Variants in GSE1 observed in about 807,000 individuals in gnomAD.
GSE1 encodes genetic suppressor element 1.
In GSE1, 32 loss-of-function variants were observed where a neutral mutation model predicts 112.6. The ratio of observed to expected loss-of-function variants is 0.28; its 90% CI spans 0.21 to 0.38. The LOEUF (loss-of-function observed/expected upper bound fraction) is 0.38, where lower values mean the gene tolerates loss of function less well. Among genes scored for constraint, GSE1 ranks in the 10% least tolerant of loss-of-function variants. GSE1 has a pLI of 1.00. For synonymous variants in GSE1, 1,115 were observed against 735.6 expected (o/e 1.52, Z -8.35); for missense variants, 2,348 against 1,699.2 (o/e 1.38, Z -6.71).
chr16:85,501,595 A>G lies in GSE1; in HGVS notation c.2465-132319A>G, dbSNP rs547385279. 5.9e-5 allele frequency among the ~76,000 whole-genome samples: 9 copies of G among 151,464 alleles called. No individual in the cohort carries two copies. The East Asian group carries it at 1.4e-3, about 23-fold the overall frequency. ...TTTTTTGCAGAGACTAGGTTTCGCT[A>G]TGTTGCCCAGGCTGGTCTCGAACCC... is the stretch of plus-strand genomic sequence containing the variant. On this transcript the variant is annotated intron_variant, in intron 2 of 2. Transcript: ENST00000637419.
chr16:85,613,812 G>T (rs184941910), intron 1 of GSE1, among the ~76,000 whole-genome samples: 1,982 of 148,396 alleles, frequency 0.013, 20 homozygotes, highest in Non-Finnish European at 0.018. Flanking sequence ...GGGGGTGGCT[G>T]TGCGCCCCCG....
intron 2 of GSE1, among the ~76,000 whole-genome samples, chr16:85,396,487 G>GCCGCTGTC (rs928337102): frequency 6.6e-6 from 1 of 152,258 alleles, no homozygotes; most frequent in African/African-American, 2.4e-5. Context: ...GGGTGGAGGA[G>GCCGCTGTC]CCGCTGTCCC....
intron 2 of GSE1, among the ~76,000 whole-genome samples, chr16:85,374,756 A>C (rs918549328): frequency 1.3e-5 from 2 of 151,854 alleles, no homozygotes; most frequent in Non-Finnish European, 2.9e-5. Flanking sequence ...TGGAGGAGGG[A>C]GGCGCCCACG....
upstream of GSE1, chr16:85,613,317 T>A: frequency 1.3e-6 from 2 of 1,549,738 alleles, no homozygotes; most frequent in Non-Finnish European, 1.7e-6. Context: ...CCGGGTGAGA[T>A]AAGCAGTTTA....
chr16:85,251,559 TG>T (rs1294107724), intron 1 of GSE1, among the ~76,000 whole-genome samples: 1 of 152,142 alleles, frequency 6.6e-6, no homozygotes, highest in African/African-American at 2.4e-5. Flanking sequence ...CAGACAGGGC[TG>T]GAGAAGGGCA....
intron 1 of GSE1, among the ~76,000 whole-genome samples, chr16:85,181,425 C>T (rs975059328): frequency 2.0e-5 from 3 of 152,256 alleles, no homozygotes; most frequent in African/African-American, 7.2e-5. Flanking sequence ...CAGCCTTTCC[C>T]CTGCCCTGGA....
At chr16:85,509,604 G>A (rs962040324) in intron 2 of GSE1, among the ~76,000 whole-genome samples, 4 of 152,246 alleles carry the variant, frequency 2.6e-5, no homozygotes, top group African/African-American at 7.2e-5. Flanking sequence ...GTGGAGTGAC[G>A]TTGAATGGAA....
intron 1 of GSE1, among the ~76,000 whole-genome samples, chr16:85,597,601 C>T (rs1469266637): frequency 1.3e-5 from 2 of 152,078 alleles, no homozygotes; most frequent in South Asian, 2.1e-4. Context: ...TCCCCAGTAG[C>T]TAGGACTACA....
In GSE1 at chr16:85,510,070, C is replaced by T. The variant is rs968580615; in HGVS notation, c.2465-123844C>T. Among the ~76,000 whole-genome samples the T allele has an allele frequency of 2.6e-5, 4 of 152,178 alleles. No individual in the cohort carries two copies. In the East Asian group the frequency reaches 7.7e-4, roughly 29 times the overall value. Reference sequence around the variant, plus strand: ...AAGCCGCGCTGAGCAGGTGGGGCCCCGGGGGCCAAGCACCCCCATGCCGCC... The same window carrying T: ...AAGCCGCGCTGAGCAGGTGGGGCCCTGGGGGCCAAGCACCCCCATGCCGCC... On this transcript the variant is annotated intron_variant, in intron 2 of 2. Coordinates refer to the GSE1 transcript ENST00000637419.
chr16:85,662,920 G>A (rs2151966851), intron 9 of GSE1, 61 bp from the exon 10 acceptor site: 1 of 1,171,096 alleles, frequency 8.5e-7, no homozygotes, highest in South Asian at 1.2e-5. Flanking sequence ...GGCCCTGCGG[G>A]CATGTCCACT....
At chr16:85,664,215 C>T (rs1006809138) in intron 11 of GSE1, among the ~76,000 whole-genome samples, 3 of 152,260 alleles carry the variant, frequency 2.0e-5, no homozygotes, top group African/African-American at 7.2e-5. Flanking sequence ...GCAGCGCAGG[C>T]TGGCTTGGTG....
At chr16:85,630,342 T>TTA (rs1224106311) in intron 1 of GSE1, among the ~76,000 whole-genome samples, 3 of 152,188 alleles carry the variant, frequency 2.0e-5, no homozygotes, top group African/African-American at 7.2e-5. Flanking sequence ...GATGAAGACT[T>TTA]TATAGACATT....
chr16:85,485,953 T>C (rs968738), intron 2 of GSE1, among the ~76,000 whole-genome samples: 93,783 of 152,156 alleles, frequency 0.62, 29,497 homozygotes, highest in African/African-American at 0.71. Flanking sequence ...GAGCCTGCAC[T>C]GGCCGCTGCC....
chr16:85,648,591 C>T lies in GSE1; in HGVS notation c.266C>T (p.Pro89Leu). Residue 89 changes from proline (P) to leucine (L), a missense_variant, in exon 3 of 16, where the codon CCG becomes CTG. By Grantham distance (98) the Pro-to-Leu change is moderately conservative. Transcript: ENST00000253458. ...AGCGAGTCGTCCCCCGTGTCCTCTC[C>T]GGCCACCAACCACAGCTCCCCCGCC... is the stretch of plus-strand genomic sequence containing the variant. ...LSSESSPVSS[P>L]ATNHSSPAST... The T allele has an allele frequency of 3.7e-6, 6 of 1,604,034 alleles. No homozygotes were observed. Among genetic ancestry groups the T allele is most frequent in the South Asian group, 1.1e-5 (1 of 90,118 alleles).
At chr16:85,454,674 C>G (rs1380907892) in intron 2 of GSE1, among the ~76,000 whole-genome samples, 3 of 152,228 alleles carry the variant, frequency 2.0e-5, no homozygotes, top group African/African-American at 4.8e-5. Flanking sequence ...AGGATCTGTT[C>G]CAGCCTTCCT....
intron 8 of GSE1, chr16:85,659,514 TGA>T (rs1303384157): frequency 9.2e-5 from 14 of 152,226 alleles, no homozygotes; most frequent in African/African-American, 3.4e-4. Flanking sequence ...ACAAATATGG[TGA>T]CCTCCTGGGA....
intron 1 of GSE1, among the ~76,000 whole-genome samples, chr16:85,251,457 T>C (rs1004346608): frequency 3.3e-5 from 5 of 152,244 alleles, no homozygotes; most frequent in Non-Finnish European, 5.9e-5. Context: ...TGTTCTCTGT[T>C]TCCCTGGGCT....
chr16:85,554,619 G>T (rs112161907), upstream of GSE1, among the ~76,000 whole-genome samples: 3,207 of 152,270 alleles, frequency 0.021, 48 homozygotes, highest in Non-Finnish European at 0.034. Context: ...CAAACCGCTC[G>T]CCCGAGGAGC....
rs1269174996 is a variant in GSE1, at chr16:85,267,147, C to T, written c.2284-90316C>T. Among the ~76,000 whole-genome samples, 8 of 152,274 alleles carry T rather than the reference C, an allele frequency of 5.3e-5. No homozygotes were observed. The South Asian group carries it at 1.7e-3, about 32-fold the overall frequency. ...AAATGAGGTCAGGGCTGAAGGCTAT[C>T]GGAGCAGCGGCGGTGGCTGCCTGGG... On this transcript the variant is annotated intron_variant, in intron 1 of 2. Coordinates refer to the GSE1 transcript ENST00000637419.
Sources: allele counts gnomAD v4.1 joint callset (sites outside exome capture counted in the v4.1 genomes callset), GRCh38; gene constraint gnomAD v4.1.1; transcripts MANE v1.5; gene names NCBI Gene and HGNC (gene_info 2026-07-23, HGNC 2026-07-21).